DAB1: variants seen among roughly 807,000 people sequenced by gnomAD.
DAB1 encodes the protein DAB adaptor protein 1.
Under a neutral mutation model 64.6 loss-of-function variants are expected in DAB1, and 15 were observed. That is an observed-to-expected ratio of 0.23 (90% confidence interval 0.16 to 0.36). The LOEUF (loss-of-function observed/expected upper bound fraction) is 0.36. DAB1 is among the 10% of genes least tolerant of loss of function. The probability of loss-of-function intolerance (pLI) is 1.00; values close to 1 mark genes in which losing one functional copy is unlikely to be tolerated. For synonymous variants in DAB1, 235 were observed against 251.9 expected, an observed-to-expected ratio of 0.93 and a Z score of 0.64; for missense variants, 596 against 706.7, an observed-to-expected ratio of 0.84 and a Z score of 1.78.
At chr1:57,680,042 T>C (rs1397760547) in intron 6 of DAB1, among the ~76,000 whole-genome samples, 1 of 152,240 alleles carries the variant, frequency 6.6e-6, no homozygotes, top group Non-Finnish European at 1.5e-5. Context: ...TACTATGTTA[T>C]GATGGAAATA....
At chr1:58,005,230 G>A (rs1253935061) in intron 5 of DAB1, among the ~76,000 whole-genome samples, 1 of 152,014 alleles carries the variant, frequency 6.6e-6, no homozygotes, top group Non-Finnish European at 1.5e-5. Context: ...AATCTCTCAT[G>A]CCCATGTGCT....
At chr1:57,095,166 G>A (rs1203622812) in intron 4 of DAB1, among the ~76,000 whole-genome samples, 2 of 152,128 alleles carry the variant, frequency 1.3e-5, no homozygotes, top group Non-Finnish European at 2.9e-5. Flanking sequence ...GCACAGCAAG[G>A]CCACAGGACA....
rs533877663 is a variant in DAB1 at position 57,081,283 on chromosome 1, G to A, written c.307-8869C>T. ...GCATCTGGTAGATGGTAGGCTCTTT[G>A]CACTTTGGGTCTTTTCCCTGGCAAC... On this transcript the variant is annotated intron_variant, in intron 4 of 14. Coordinates refer to ENST00000371236, the MANE Select transcript of DAB1 (RefSeq NM_001365792.1). Among the ~76,000 whole-genome samples the A allele has an allele frequency of 2.6e-5, 4 of 152,198 alleles. No individual in the cohort carries two copies. In the East Asian group the frequency reaches 5.8e-4, roughly 22 times the overall value.
chr1:58,180,318 G>T (rs1359636137), intron 4 of DAB1, among the ~76,000 whole-genome samples: 1 of 66,696 alleles, frequency 1.5e-5, no homozygotes, highest in Non-Finnish European at 2.7e-5. Context: ...TTTGAGATAG[G>T]ATCTCACTTT....
At chr1:57,273,604 T>C (rs867342821) in intron 2 of DAB1, among the ~76,000 whole-genome samples, 46 of 112,830 alleles carry the variant, frequency 4.1e-4, no homozygotes, top group African/African-American at 1.7e-3. Flanking sequence ...CCTTCCTTCC[T>C]TCCTTCCTTC....
intron 6 of DAB1, among the ~76,000 whole-genome samples, chr1:57,813,717 T>C (rs1651730959): frequency 6.6e-6 from 1 of 152,162 alleles, no homozygotes; most frequent in Non-Finnish European, 1.5e-5. Flanking sequence ...AATAACTAAA[T>C]GAAGAGAAGA....
intron 4 of DAB1, among the ~76,000 whole-genome samples, chr1:58,339,757 G>A (rs992477613): frequency 7.9e-5 from 12 of 152,134 alleles, no homozygotes; most frequent in Non-Finnish European, 1.5e-4. Context: ...TATTCTGGAA[G>A]ACTTTAAGAT....
chr1:58,151,366 C>T (rs1654927144), intron 4 of DAB1, among the ~76,000 whole-genome samples: 1 of 152,144 alleles, frequency 6.6e-6, no homozygotes, highest in Non-Finnish European at 1.5e-5. Flanking sequence ...TGTTTCCTGA[C>T]TTTTTAATGA....
chr1:57,545,216 C>T (rs1306441868), intron 7 of DAB1, among the ~76,000 whole-genome samples: 1 of 152,186 alleles, frequency 6.6e-6, no homozygotes, highest in Non-Finnish European at 1.5e-5. Flanking sequence ...ATTGGAAGGC[C>T]TTCCCTGACT....
At chr1:57,676,830 C>T (rs1646572718) in intron 6 of DAB1, among the ~76,000 whole-genome samples, 2 of 152,142 alleles carry the variant, frequency 1.3e-5, no homozygotes. Context: ...CCTATTCAAC[C>T]TGCAAGAACT....
chr1:57,975,108 A>G (rs1297274514), intron 5 of DAB1, among the ~76,000 whole-genome samples: 1 of 152,156 alleles, frequency 6.6e-6, no homozygotes, highest in Admixed American at 6.6e-5. Context: ...TGGAGCCCTC[A>G]TGAATAGGAT....
At position 57,221,184 on chromosome 1, in the gene DAB1, G is replaced by A. The variant is rs1666836622; in HGVS notation, c.67+69780C>T. On this transcript the variant is annotated intron_variant, in intron 2 of 14. Transcript: ENST00000371236. Reference sequence around the variant, plus strand: ...ACACCACCTGTTCTCACTCATAGGTGGGAATTGAACAGTGAGAACACTTGG... The same window carrying A: ...ACACCACCTGTTCTCACTCATAGGTAGGAATTGAACAGTGAGAACACTTGG... Among the ~76,000 whole-genome samples the A allele has an allele frequency of 1.3e-5, 2 of 151,700 alleles. 1 individual carries two copies. The highest frequency in any genetic ancestry group is 4.2e-4 in the South Asian group (2 of 4,778).
intron 7 of DAB1, among the ~76,000 whole-genome samples, chr1:57,638,852 G>A (rs2101638428): frequency 6.6e-6 from 1 of 152,132 alleles, no homozygotes; most frequent in East Asian, 1.9e-4. Flanking sequence ...TGTGAGTGTT[G>A]GGGGTGTGTA....
intron 1 of DAB1, chr1:58,530,758 C>G: frequency 1.2e-6 from 1 of 862,236 alleles, no homozygotes; most frequent in Non-Finnish European, 2.0e-6. Flanking sequence ...ATAAAAACTA[C>G]ATTTTATACA....
rs115419785 is a variant in DAB1 at position 58,407,338 on chromosome 1, T to C, written n.258-63935A>G. 7.0e-3 allele frequency among the ~76,000 whole-genome samples: 1,059 copies of C among 152,290 alleles called. 15 individuals are homozygous for C. Among genetic ancestry groups the C allele is most frequent in the African/African-American group, 0.024 (1,012 of 41,554 alleles). ...ACTAGAATTGCAAACTCCATGATGA[T>C]GGGGACTTGGTCTGTGTTGTTTATA... On this transcript the variant is annotated intron_variant and non_coding_transcript_variant, in intron 3 of 20. Coordinates refer to the DAB1 transcript ENST00000485760.
At chr1:57,493,443 C>T (rs1229460147) in intron 7 of DAB1, among the ~76,000 whole-genome samples, 1 of 152,272 alleles carries the variant, frequency 6.6e-6, no homozygotes, top group South Asian at 2.1e-4. Context: ...CAAAGTTCAT[C>T]CATGCTGTAG....
chr1:57,361,162 T>C (rs1440318012), intron 1 of DAB1, among the ~76,000 whole-genome samples: 2 of 152,114 alleles, frequency 1.3e-5, no homozygotes, highest in African/African-American at 4.8e-5. Context: ...CATTAGGTAG[T>C]ATTGAAAGAA....
chr1:58,369,443 G>A (rs1210427405), intron 3 of DAB1, among the ~76,000 whole-genome samples: 1 of 152,144 alleles, frequency 6.6e-6, no homozygotes, highest in African/African-American at 2.4e-5. Context: ...TTAACAGACT[G>A]TACTTTTTTC....
intron 3 of DAB1, among the ~76,000 whole-genome samples, chr1:58,391,266 G>T (rs1464981477): frequency 6.6e-6 from 1 of 152,204 alleles, no homozygotes; most frequent in African/African-American, 2.4e-5. Context: ...AGTCAAAGCT[G>T]TGGAGCAGAG....
Sources: gnomAD v4.1 joint callset for allele counts (sites outside exome capture counted in the v4.1 genomes callset) on GRCh38, gnomAD v4.1.1 for gene constraint, MANE v1.5 for transcripts, NCBI Gene and HGNC (gene_info 2026-07-23, HGNC 2026-07-21) for gene names.